The following METTL15 variants were observed in gnomAD, a reference collection of about 807,000 sequenced individuals.
METTL15 encodes the protein 12S rRNA N(4)-cytidine methyltransferase METTL15.
Under a neutral mutation model 38.3 loss-of-function variants are expected in METTL15, and 34 were observed. The ratio of observed to expected loss-of-function variants is 0.89; its 90% CI spans 0.68 to 1.18. The LOEUF is 1.18. METTL15 is among the 50% of genes most tolerant of loss of function. The pLI is 0.00. For missense variants in METTL15, 438 were observed against 498.4 expected, an observed-to-expected ratio of 0.88 and a Z score of 1.15; for synonymous variants, 162 against 170.9, an observed-to-expected ratio of 0.95 and a Z score of 0.41.
At chr11:28,459,696 T>C (rs1205907992) in intron 6 of METTL15, among the ~76,000 whole-genome samples, 1 of 152,184 alleles carries the variant, frequency 6.6e-6, no homozygotes, top group Admixed American at 6.5e-5. Context: ...CCAATTTCTA[T>C]CTATGCTCAT....
At chr11:28,214,664 G>A (rs1359201840) in intron 4 of METTL15, among the ~76,000 whole-genome samples, 2 of 152,106 alleles carry the variant, frequency 1.3e-5, no homozygotes, top group African/African-American at 4.8e-5. Flanking sequence ...GTGAAGTACT[G>A]TAACTATTTA....
intron 6 of METTL15, among the ~76,000 whole-genome samples, chr11:28,309,168 A>C (rs1232296616): frequency 6.6e-6 from 1 of 152,078 alleles, no homozygotes; most frequent in Non-Finnish European, 1.5e-5. Context: ...TCTCCACCAA[A>C]ATCGTCTTCT....
intron 4 of METTL15, among the ~76,000 whole-genome samples, chr11:28,219,317 T>C (rs1853071653): frequency 6.6e-6 from 1 of 152,212 alleles, no homozygotes; most frequent in South Asian, 2.1e-4. Context: ...AATTTATCCA[T>C]TTCTTCTAGA....
rs538200041 is a variant in METTL15 at position 28,300,981 on chromosome 11, G to A, written c.778+4050G>A. 1.3e-4 allele frequency among the ~76,000 whole-genome samples: 20 copies of A among 152,054 alleles called. No individual in the cohort carries two copies. In the South Asian group the frequency reaches 3.5e-3, roughly 27 times the overall value. On this transcript the variant is annotated intron_variant, in intron 6 of 6. Transcript: ENST00000407364. ...TCTCTCCTACTCCCCATTGTATTCCGGTGAAGACGAGCACATTTCAGCCTG... is the reference window on the plus strand; with the variant it reads ...TCTCTCCTACTCCCCATTGTATTCCAGTGAAGACGAGCACATTTCAGCCTG...
At chr11:28,108,873 C>A (rs1283203353) in intron 1 of METTL15, among the ~76,000 whole-genome samples, 1 of 152,144 alleles carries the variant, frequency 6.6e-6, no homozygotes, top group Non-Finnish European at 1.5e-5. Flanking sequence ...TCAGCATAGA[C>A]ACTTTAAAAA....
At chr11:28,392,063 C>G (rs1346783887) in intron 5 of METTL15, among the ~76,000 whole-genome samples, 24 of 152,106 alleles carry the variant, frequency 1.6e-4, no homozygotes, top group Admixed American at 1.4e-3. Flanking sequence ...GCAATCTACT[C>G]TTCAGACAAA....
chr11:28,222,681 G>A (rs960058496), intron 4 of METTL15, among the ~76,000 whole-genome samples: 2 of 152,002 alleles, frequency 1.3e-5, no homozygotes, highest in Non-Finnish European at 2.9e-5. Flanking sequence ...GTTCCTATTC[G>A]GCCATCTTGG....
intron 5 of METTL15, among the ~76,000 whole-genome samples, chr11:28,380,237 G>T (rs915520983): frequency 1.4e-5 from 2 of 142,808 alleles, no homozygotes; most frequent in Non-Finnish European, 3.0e-5. Flanking sequence ...GCACAATCTC[G>T]GCTCACTGCA....
Position 28,524,880 on chromosome 11 carries a change from C to T in METTL15, c.*425-1598C>T, listed in dbSNP as rs150314180. Among the ~76,000 whole-genome samples the T allele has an allele frequency of 7.8e-3, 1,193 of 152,266 alleles. 23 individuals are homozygous for T. Among genetic ancestry groups the T allele is most frequent in the African/African-American group, 0.027 (1,129 of 41,546 alleles). ...CCGCGGACCCTCGCAGTGAGTGTTA[C>T]AGTTCTTAAAGGCGGTGTGTCCGGA... On this transcript the variant is annotated intron_variant and NMD_transcript_variant, in intron 6 of 7. Coordinates refer to the METTL15 transcript ENST00000532947.
chr11:28,261,802 A>C (rs529110401), intron 4 of METTL15, among the ~76,000 whole-genome samples: 3 of 152,314 alleles, frequency 2.0e-5, no homozygotes, highest in South Asian at 4.2e-4. Flanking sequence ...TGTGTTAATA[A>C]TAATAATAGC....
intron 3 of METTL15, among the ~76,000 whole-genome samples, chr11:28,158,846 A>G (rs916486605): frequency 6.6e-6 from 1 of 152,174 alleles, no homozygotes; most frequent in African/African-American, 2.4e-5. Context: ...TGAAGTCACA[A>G]TTACAATGCC....
At chr11:28,368,585 A>C (rs771534390) in intron 5 of METTL15, among the ~76,000 whole-genome samples, 1 of 152,160 alleles carries the variant, frequency 6.6e-6, no homozygotes, top group Non-Finnish European at 1.5e-5. Flanking sequence ...ATTGTGGAAG[A>C]CAGTGTGGCG....
At chr11:28,319,626 A>G (rs1849391682) in intron 6 of METTL15, among the ~76,000 whole-genome samples, 1 of 152,166 alleles carries the variant, frequency 6.6e-6, no homozygotes, top group Admixed American at 6.6e-5. Context: ...TACTTCTCAG[A>G]ATTTTTGTAA....
chr11:28,513,622 C>G (rs570683911), intron 6 of METTL15, among the ~76,000 whole-genome samples: 25 of 152,212 alleles, frequency 1.6e-4, no homozygotes, highest in Middle Eastern at 6.8e-3. Context: ...CTGAGAGCCC[C>G]GAACAGAGAT....
At chr11:28,246,066 G>C (rs1854496995) in intron 4 of METTL15, among the ~76,000 whole-genome samples, 1 of 152,124 alleles carries the variant, frequency 6.6e-6, no homozygotes, top group African/African-American at 2.4e-5. Flanking sequence ...GCGATGAAAA[G>C]AGGTTGATTA....
chr11:28,315,171 A>G (rs572487663), intron 6 of METTL15, among the ~76,000 whole-genome samples: 23 of 152,338 alleles, frequency 1.5e-4, no homozygotes, highest in Admixed American at 1.4e-3. Flanking sequence ...AGAAGAAGAC[A>G]GGAAAATGTG....
chr11:28,380,489 A>G (rs1188231960), intron 5 of METTL15, among the ~76,000 whole-genome samples: 2 of 152,114 alleles, frequency 1.3e-5, no homozygotes, highest in South Asian at 2.1e-4. Flanking sequence ...ATTACTGATA[A>G]TTAATAATTT....
intron 4 of METTL15, among the ~76,000 whole-genome samples, chr11:28,211,442 T>C (rs536940288): frequency 6.6e-6 from 1 of 152,170 alleles, no homozygotes; most frequent in East Asian, 1.9e-4. Flanking sequence ...ACCTACAAGA[T>C]TGAAAGTGTT....
chr11:28,447,923 C>T lies in METTL15; in HGVS notation c.*424+23559C>T, dbSNP rs537540377. Among the ~76,000 whole-genome samples the T allele has an allele frequency of 3.3e-5, 5 of 152,190 alleles. No homozygotes were observed. The East Asian group carries it at 9.7e-4, about 29-fold the overall frequency. ...GAAAAAGAGGGCAAATAGTAATGTT[C>T]CTCACATAACTCATATCCTTTAAGT... is the stretch of plus-strand genomic sequence containing the variant. On this transcript the variant is annotated intron_variant and NMD_transcript_variant, in intron 6 of 7. Coordinates refer to the METTL15 transcript ENST00000532947.
Sources: gnomAD v4.1 joint callset for allele counts (sites outside exome capture counted in the v4.1 genomes callset) on GRCh38, gnomAD v4.1.1 for gene constraint, MANE v1.5 for transcripts, NCBI Gene and HGNC (gene_info 2026-07-23, HGNC 2026-07-21) for gene names.